Variants in SPIDR observed in about 807,000 individuals in gnomAD.
The protein encoded by SPIDR is DNA repair-scaffolding protein.
In SPIDR, 93 loss-of-function variants were observed where a neutral mutation model predicts 104.6. The ratio of observed to expected loss-of-function variants is 0.89; its 90% CI spans 0.75 to 1.06. SPIDR has a LOEUF of 1.06. Ranked by LOEUF, SPIDR falls within the 50% of genes least tolerant of loss-of-function variation. The pLI, the probability that SPIDR is intolerant of heterozygous loss-of-function variation, is 0.00. For synonymous variants in SPIDR, 431 were observed against 416.9 expected (o/e 1.03, Z -0.41); for missense variants, 1,154 against 1,111.2 (o/e 1.04, Z -0.55).
At chr8:47,322,147 A>C (rs952492187) in intron 5 of SPIDR, among the ~76,000 whole-genome samples, 3 of 152,208 alleles carry the variant, frequency 2.0e-5, no homozygotes, top group Admixed American at 2.0e-4. Flanking sequence ...CTACCATCTG[A>C]GTGAACAGCA....
chr8:47,557,592 G>A (rs961917896), intron 8 of SPIDR, among the ~76,000 whole-genome samples: 3 of 152,204 alleles, frequency 2.0e-5, no homozygotes, highest in African/African-American at 4.8e-5. Context: ...GTATTAAAGT[G>A]TGAATAACCT....
rs537137793 is a variant in SPIDR, at chr8:47,320,194, C to G, written c.525+26164C>G. Reference sequence around the variant, plus strand: ...TGAAAAGATCAACAAACTTGATAGGCTGCTAGAAAGATTACTAAAAGAGAA... The same window carrying G: ...TGAAAAGATCAACAAACTTGATAGGGTGCTAGAAAGATTACTAAAAGAGAA... On this transcript the variant is annotated intron_variant, in intron 5 of 19. Coordinates refer to ENST00000297423, the MANE Select transcript of SPIDR (RefSeq NM_001080394.4). Among the ~76,000 whole-genome samples the G allele has an allele frequency of 6.6e-5, 10 of 152,156 alleles. No homozygotes were observed. In the South Asian group the frequency reaches 2.1e-3, roughly 32 times the overall value.
rs189263871 is a variant in SPIDR, at chr8:47,632,668, G to A, written c.1544+33472G>A. Among the ~76,000 whole-genome samples the A allele has an allele frequency of 1.6e-3, 244 of 152,272 alleles. 1 individual carries two copies. The highest frequency in any genetic ancestry group is 5.7e-3 in the African/African-American group (236 of 41,536). On this transcript the variant is annotated intron_variant, in intron 10 of 19. Coordinates refer to ENST00000297423, the MANE Select transcript of SPIDR (RefSeq NM_001080394.4). ...TCAGTTTGACTTTACATACTCAGGGGAAAAGAAGGCAGCTTGGTTGAGAAA... is the reference window on the plus strand; with the variant it reads ...TCAGTTTGACTTTACATACTCAGGGAAAAAGAAGGCAGCTTGGTTGAGAAA...
chr8:47,700,595 A>G, intron 12 of SPIDR, 105 bp downstream of exon 12: 2 of 1,103,752 alleles, frequency 1.8e-6, no homozygotes, highest in East Asian at 2.4e-5. Flanking sequence ...CCCCTGCTCC[A>G]GTGGCAACAA....
rs748411155 is a variant in SPIDR at position 47,599,196 on chromosome 8, G to A, written c.1544G>A (p.Arg515Gln). Residue 515 changes from arginine (R) to glutamine (Q), a missense_variant and splice_region_variant, in exon 10 of 20, where the codon CGA (arginine) becomes CAA (glutamine). Physicochemically the swap from Arg to Gln is conservative, Grantham distance 43. Coordinates refer to ENST00000297423, the MANE Select transcript of SPIDR (RefSeq NM_001080394.4). Reference protein sequence around the residue: ...SSGHTDPAGTRACLLVQDACG... With the variant: ...SSGHTDPAGTQACLLVQDACG... ...GGACACACAGACCCAGCTGGAACTC[G>A]GTGAGTGCCAAGATGCTGGTGTGGG... 1.1e-5 allele frequency: 17 copies of A among 1,612,852 alleles called. No homozygotes were observed. The East Asian group carries it at 1.6e-4, about 15-fold the overall frequency.
Position 47,408,984 on chromosome 8 carries a change from G to T in SPIDR, c.877+1023G>T, listed in dbSNP as rs192040131. On this transcript the variant is annotated intron_variant, in intron 7 of 19. Transcript: ENST00000297423. Reference sequence around the variant, plus strand: ...GGGCAGATCATGAGGTCAAGAGATCGAGACCATCCTGGCCAACATGGTGAA... The same window carrying T: ...GGGCAGATCATGAGGTCAAGAGATCTAGACCATCCTGGCCAACATGGTGAA... Among the ~76,000 whole-genome samples, 22 of 152,154 alleles carry T rather than the reference G, an allele frequency of 1.4e-4. No homozygotes were observed. In the East Asian group the frequency reaches 2.3e-3, roughly 16 times the overall value.
rs548112785 is a variant in SPIDR, at chr8:47,516,889, G to A, written c.1097+76347G>A. On this transcript the variant is annotated intron_variant, in intron 8 of 19. Coordinates refer to ENST00000297423, the MANE Select transcript of SPIDR (RefSeq NM_001080394.4). ...GTTGCATCATTTTATATTCCTACCA[G>A]CAATGCATGGGAGTTTCAGTTTCTC... Among the ~76,000 whole-genome samples the A allele has an allele frequency of 1.1e-3, 163 of 152,166 alleles. 1 individual carries two copies. Among genetic ancestry groups the A allele is most frequent in the African/African-American group, 3.7e-3 (153 of 41,508 alleles).
chr8:47,544,727 A>G lies in SPIDR; in HGVS notation c.1098-51084A>G, dbSNP rs145976011. The stretch of plus-strand genomic sequence containing the variant: ...TTTGTACCATCACACAGTCATGACT[A>G]CAGAAGCTGTATGTCTTGAAATCAC... On this transcript the variant is annotated intron_variant, in intron 8 of 19. Transcript: ENST00000297423. Among the ~76,000 whole-genome samples, 47 of 152,344 alleles carry G rather than the reference A, an allele frequency of 3.1e-4. No individual in the cohort carries two copies. In the East Asian group the frequency reaches 6.7e-3, roughly 22 times the overall value.
chr8:47,279,607 C>T (rs2037316554), intron 1 of SPIDR, among the ~76,000 whole-genome samples: 1 of 152,132 alleles, frequency 6.6e-6, no homozygotes, highest in African/African-American at 2.4e-5. Flanking sequence ...GTACTGATAC[C>T]ATGCCAGACT....
rs2086172312 is a variant in SPIDR, at chr8:47,735,606, A to T, written c.*156A>T. The T allele has an allele frequency of 7.0e-7, 1 of 1,424,046 alleles. No individual in the cohort carries two copies. 88.2% of individuals were successfully genotyped at this position (1,424,046 alleles called of 1,614,324 possible). ...TTTTTCTGGGGAAATGTTCAGATAC[A>T]GTTTTGTGAACTGTAAATCAAAATA... is the stretch of plus-strand genomic sequence containing the variant. On this transcript the variant is annotated 3_prime_UTR_variant, in exon 20 of 20. Coordinates refer to ENST00000297423, the MANE Select transcript of SPIDR (RefSeq NM_001080394.4).
chr8:47,511,805 T>G, intron 8 of SPIDR: 1 of 1,088,512 alleles, frequency 9.2e-7, no homozygotes, highest in Non-Finnish European at 1.4e-6. Flanking sequence ...TCATTGGAAC[T>G]TTTCTTTCTG....
At position 47,727,111 on chromosome 8, in the gene SPIDR, C is replaced by T. The variant is rs190395315; in HGVS notation, c.2342-89C>T. On this transcript the variant is annotated intron_variant, in intron 16 of 19. Coordinates refer to ENST00000297423, the MANE Select transcript of SPIDR (RefSeq NM_001080394.4). ...CAAGTAAGGCAAAAATCACGAGGCC[C>T]CTCATGTTGTCCTCTGCACGTGGAG... 8.9e-4 allele frequency: 957 copies of T among 1,077,202 alleles called. 4 individuals carry two copies. The African/African-American group carries it at 0.012, about 13-fold the overall frequency. 66.7% of individuals were successfully genotyped at this position (1,077,202 alleles called of 1,614,324 possible). A position where few individuals can be genotyped will look rare whatever the true frequency, so the allele number is the denominator to read the frequency against.
intron 1 of SPIDR, 126 bp downstream of exon 1, chr8:47,261,117 G>A (rs2032066513): frequency 9.3e-7 from 1 of 1,077,950 alleles, no homozygotes; most frequent in South Asian, 4.7e-5. Context: ...GAAGGGCTAG[G>A]TGGTGGCGGG....
intron 16 of SPIDR, among the ~76,000 whole-genome samples, chr8:47,723,045 T>C (rs1170929232): frequency 6.6e-6 from 1 of 152,132 alleles, no homozygotes; most frequent in African/African-American, 2.4e-5. Flanking sequence ...TTGTTGTTGT[T>C]GTTGTTGACA....
chr8:47,284,058 G>C lies in SPIDR; in HGVS notation c.220G>C (p.Glu74Gln), dbSNP rs913142535. 3 of 1,612,306 alleles carry C rather than the reference G, an allele frequency of 1.9e-6. No individual in the cohort carries two copies. The African/African-American group carries it at 4.0e-5, about 22-fold the overall frequency. ...AACAGCTGAAGAGAAGACGATTACA[G>C]AAAAGCACCTTGAATTATGCCCTAG... Reference protein sequence around the residue: ...SLTAEEKTITEKHLELCPRPK... With the variant: ...SLTAEEKTITQKHLELCPRPK... Residue 74 changes from glutamate (E) to glutamine (Q), a missense_variant, in exon 3 of 20, where the codon GAA becomes CAA. Physicochemically the swap from Glu to Gln is conservative, Grantham distance 29. Coordinates refer to ENST00000297423, the MANE Select transcript of SPIDR (RefSeq NM_001080394.4).
intron 11 of SPIDR, among the ~76,000 whole-genome samples, chr8:47,688,224 G>T (rs1354313763): frequency 6.6e-6 from 1 of 152,072 alleles, no homozygotes; most frequent in East Asian, 1.9e-4. Flanking sequence ...CCGCCTCCTG[G>T]ATTCACACCA....
chr8:47,685,669 C>T (rs555619514), intron 11 of SPIDR, among the ~76,000 whole-genome samples: 3 of 151,732 alleles, frequency 2.0e-5, no homozygotes, highest in Non-Finnish European at 4.4e-5. Context: ...ATTCTCCTGT[C>T]TCAACCTCCC....
chr8:47,283,986 G>A (rs1466843682), intron 2 of SPIDR, 42 bp from the exon 3 acceptor site: 2 of 1,450,028 alleles, frequency 1.4e-6, no homozygotes, highest in Non-Finnish European at 1.9e-6. Context: ...TTTTTTTTTA[G>A]CATTTGTCAC....
At chr8:47,441,606 G>T (rs1232354755) in intron 8 of SPIDR, among the ~76,000 whole-genome samples, 1 of 152,024 alleles carries the variant, frequency 6.6e-6, no homozygotes, top group Admixed American at 6.6e-5. Flanking sequence ...GGGGGCAGGG[G>T]TTTGTTTTGT....
Sources: allele counts gnomAD v4.1 joint callset (sites outside exome capture counted in the v4.1 genomes callset), GRCh38; gene constraint gnomAD v4.1.1; transcripts MANE v1.5; gene names NCBI Gene and HGNC (gene_info 2026-07-23, HGNC 2026-07-21).